ARL15: variants seen among roughly 807,000 people sequenced by gnomAD.
ARL15 encodes ARF like GTPase 15.
In ARL15, 19 loss-of-function variants were observed where a neutral mutation model predicts 25.2. The ratio of observed to expected loss-of-function variants is 0.75; its 90% CI spans 0.53 to 1.10. The LOEUF (loss-of-function observed/expected upper bound fraction) is 1.10. Ranked by LOEUF, ARL15 falls within the 50% of genes least tolerant of loss-of-function variation. The pLI, the probability that ARL15 is intolerant of heterozygous loss-of-function variation, is 0.00. For missense variants in ARL15, 220 were observed against 246.0 expected (o/e 0.89, Z 0.71); for synonymous variants, 94 against 86.8 (o/e 1.08, Z -0.46).
intron 4 of ARL15, among the ~76,000 whole-genome samples, chr5:54,030,373 C>T (rs1579718251): frequency 6.6e-6 from 1 of 152,222 alleles, no homozygotes; most frequent in East Asian, 1.9e-4. Context: ...CATATTGTAA[C>T]TATCATTTCT....
At chr5:53,994,361 A>G (rs1376439326) in intron 4 of ARL15, among the ~76,000 whole-genome samples, 1 of 152,226 alleles carries the variant, frequency 6.6e-6, no homozygotes, top group Non-Finnish European at 1.5e-5. Context: ...TGGAAACTGT[A>G]ATGTTTCCTA....
chr5:53,967,592 T>TAA (rs3842043), intron 4 of ARL15, among the ~76,000 whole-genome samples: 13,186 of 152,156 alleles, frequency 0.087, 611 homozygotes, highest in East Asian at 0.11. Context: ...AAACAATAGG[T>TAA]AAAAATGGAT....
intron 1 of ARL15, among the ~76,000 whole-genome samples, chr5:54,243,131 G>T (rs994156405): frequency 1.3e-5 from 2 of 152,114 alleles, no homozygotes; most frequent in Non-Finnish European, 1.5e-5. Flanking sequence ...GGAATAGACA[G>T]ATTCAAAAAG....
intron 4 of ARL15, among the ~76,000 whole-genome samples, chr5:54,037,903 CAA>C (rs1271779463): frequency 6.6e-6 from 1 of 152,038 alleles, no homozygotes; most frequent in Non-Finnish European, 1.5e-5. Flanking sequence ...CAAGGCTTTC[CAA>C]ATTCTGCAAA....
At chr5:53,931,460 A>G (rs529052276) in intron 4 of ARL15, among the ~76,000 whole-genome samples, 8 of 152,336 alleles carry the variant, frequency 5.3e-5, no homozygotes, top group Admixed American at 5.2e-4. Flanking sequence ...GCAGTCCCTT[A>G]CAAATTGTTA....
intron 1 of ARL15, among the ~76,000 whole-genome samples, chr5:54,205,085 GCCA>G (rs1755831817): frequency 1.3e-5 from 2 of 151,904 alleles, no homozygotes. Context: ...ACGGGTGTGA[GCCA>G]CCACGCCTGG....
intron 4 of ARL15, chr5:54,048,455 T>G (rs1045698392): frequency 6.7e-6 from 1 of 149,422 alleles, no homozygotes; most frequent in Non-Finnish European, 1.5e-5. Context: ...TAGGCTAGAA[T>G]GCAATGGCAC....
chr5:54,297,931 C>T (rs896371502), intron 1 of ARL15, among the ~76,000 whole-genome samples: 7 of 152,172 alleles, frequency 4.6e-5, no homozygotes, highest in African/African-American at 1.4e-4. Flanking sequence ...TACAGGTGCA[C>T]GCTGCCACGC....
intron 1 of ARL15, among the ~76,000 whole-genome samples, chr5:54,267,281 C>T (rs753607409): frequency 6.6e-5 from 10 of 152,158 alleles, no homozygotes; most frequent in East Asian, 1.9e-4. Context: ...TTAGTAGAGA[C>T]GGGGTTTCAC....
chr5:54,220,064 A>T (rs1312927616), intron 1 of ARL15, among the ~76,000 whole-genome samples: 1 of 152,208 alleles, frequency 6.6e-6, no homozygotes, highest in Non-Finnish European at 1.5e-5. Flanking sequence ...ATTTAAAAAA[A>T]ACACTACCAC....
intron 2 of ARL15, among the ~76,000 whole-genome samples, chr5:54,155,042 A>T (rs1200833925): frequency 6.6e-6 from 1 of 152,152 alleles, no homozygotes; most frequent in East Asian, 1.9e-4. Context: ...AATCACTTGA[A>T]CCTGGGAGGC....
chr5:53,912,437 T>C (rs1035926571), intron 4 of ARL15, among the ~76,000 whole-genome samples: 1 of 152,220 alleles, frequency 6.6e-6, no homozygotes, highest in African/African-American at 2.4e-5. Flanking sequence ...TATGTAACTT[T>C]AGGTACTTAT....
At chr5:54,084,807 A>G (rs1178151955) in intron 4 of ARL15, among the ~76,000 whole-genome samples, 1 of 152,196 alleles carries the variant, frequency 6.6e-6, no homozygotes, top group African/African-American at 2.4e-5. Context: ...AAAAACTGCA[A>G]CTGATTTCAC....
At chr5:54,054,503 T>C (rs1737461399) in intron 4 of ARL15, among the ~76,000 whole-genome samples, 1 of 152,080 alleles carries the variant, frequency 6.6e-6, no homozygotes, top group Admixed American at 6.5e-5. Flanking sequence ...AGAGAAACAA[T>C]ACTAGAGCTG....
At chr5:54,115,183 A>G (rs1314404751) in intron 3 of ARL15, among the ~76,000 whole-genome samples, 2 of 152,236 alleles carry the variant, frequency 1.3e-5, no homozygotes, top group African/African-American at 4.8e-5. Flanking sequence ...TGAGCAGCTT[A>G]TATTTTCTGG....
Position 54,113,406 on chromosome 5 carries a change from A to G in ARL15, c.258T>C (p.Ala86=). Residue 86 remains alanine, a synonymous_variant, in exon 4 of 5, where the codon GCT becomes GCC. Coordinates refer to ENST00000504924, the MANE Select transcript of ARL15 (RefSeq NM_019087.3). ...AILNVKELGG[A]DNIRKYWSRY... is the part of the protein sequence containing the mutation. The stretch of plus-strand genomic sequence containing the variant: ...GGCTCCAGTATTTCCGGATGTTATC[A>G]GCCCCTGTCAAAAACAAAACAAATT... 6.2e-7 allele frequency: 1 copy of G among 1,609,566 alleles called. No individual in the cohort carries two copies. Among genetic ancestry groups the G allele is most frequent in the Non-Finnish European group, 8.5e-7 (1 of 1,178,816 alleles).
intron 4 of ARL15, among the ~76,000 whole-genome samples, chr5:54,010,391 C>T (rs1466179399): frequency 3.3e-5 from 5 of 152,178 alleles, no homozygotes; most frequent in African/African-American, 1.2e-4. Context: ...CCAATTGATA[C>T]TGTCACTGCT....
chr5:54,180,081 G>A (rs1321153519), intron 1 of ARL15, among the ~76,000 whole-genome samples: 1 of 150,064 alleles, frequency 6.7e-6, no homozygotes, highest in East Asian at 1.9e-4. Context: ...CCTAAGCACA[G>A]CAGTAAGGAA....
chr5:54,048,398 T>C (rs1285810892), intron 4 of ARL15: 3 of 94,514 alleles, frequency 3.2e-5, no homozygotes. Flanking sequence ...ATAAATTATA[T>C]ATATATATAT....
Sources: allele counts gnomAD v4.1 joint callset (sites outside exome capture counted in the v4.1 genomes callset), GRCh38; gene constraint gnomAD v4.1.1; transcripts MANE v1.5; gene names NCBI Gene and HGNC (gene_info 2026-07-23, HGNC 2026-07-21).